Variants in THSD7B observed in about 807,000 individuals in gnomAD.
The protein encoded by THSD7B is thrombospondin type-1 domain-containing protein 7B.
THSD7B carries 138 observed loss-of-function variants against 213.6 expected under a neutral mutation model. The ratio of observed to expected loss-of-function variants is 0.65; its 90% CI spans 0.56 to 0.74. The LOEUF is 0.74. Among genes scored for constraint, THSD7B ranks in the 30% least tolerant of loss-of-function variants. The pLI is 0.00. For missense variants in THSD7B, 1,931 were observed against 1,991.5 expected (o/e 0.97, Z 0.58); for synonymous variants, 742 against 687.0 (o/e 1.08, Z -1.25).
chr2:137,282,290 G>T (rs1683042652), intron 12 of THSD7B, among the ~76,000 whole-genome samples: 1 of 152,148 alleles, frequency 6.6e-6, no homozygotes, highest in Non-Finnish European at 1.5e-5. Flanking sequence ...GTTCATTGTA[G>T]ATTCTGGATA....
At chr2:137,317,211 C>G (rs1050760818) in intron 12 of THSD7B, among the ~76,000 whole-genome samples, 4 of 152,112 alleles carry the variant, frequency 2.6e-5, no homozygotes, top group Middle Eastern at 3.2e-3. Context: ...TACTAATTAT[C>G]TGATCTATTT....
At chr2:137,214,480 C>T (rs899291596) in intron 7 of THSD7B, among the ~76,000 whole-genome samples, 13 of 152,020 alleles carry the variant, frequency 8.6e-5, no homozygotes, top group East Asian at 5.8e-4. Context: ...GTGTGCAGAA[C>T]GTGCAGGTTT....
intron 4 of THSD7B, among the ~76,000 whole-genome samples, chr2:137,100,199 T>C (rs1189772336): frequency 6.6e-6 from 1 of 152,112 alleles, no homozygotes; most frequent in Non-Finnish European, 1.5e-5. Context: ...GGATGGTAGA[T>C]GAAATCTTGG....
intron 2 of THSD7B, among the ~76,000 whole-genome samples, chr2:137,053,588 G>C (rs1687108031): frequency 6.6e-6 from 1 of 150,828 alleles, no homozygotes; most frequent in African/African-American, 2.4e-5. Context: ...AAAAAAAAAA[G>C]AGAATGTCAT....
At chr2:137,320,564 T>A (rs922012063) in intron 12 of THSD7B, among the ~76,000 whole-genome samples, 1 of 152,212 alleles carries the variant, frequency 6.6e-6, no homozygotes. Flanking sequence ...GAATGTGGTA[T>A]GTGGACTAGT....
At chr2:137,582,836 A>G (rs1040572734) in intron 17 of THSD7B, among the ~76,000 whole-genome samples, 3 of 152,154 alleles carry the variant, frequency 2.0e-5, no homozygotes, top group East Asian at 3.8e-4. Context: ...ATGATTTATA[A>G]TCCTTTGGGT....
At chr2:137,006,643 C>A (rs1686119775) in intron 2 of THSD7B, among the ~76,000 whole-genome samples, 1 of 152,074 alleles carries the variant, frequency 6.6e-6, no homozygotes, top group South Asian at 2.1e-4. Context: ...TAGAAATAAG[C>A]AAGATATAGC....
At chr2:137,394,379 T>C (rs1243357796) in intron 12 of THSD7B, among the ~76,000 whole-genome samples, 1 of 136,332 alleles carries the variant, frequency 7.3e-6, no homozygotes, top group Admixed American at 7.3e-5. Context: ...TTTCTACATA[T>C]GGCTAGCCAG....
chr2:137,370,565 T>A (rs1204034655), intron 12 of THSD7B, among the ~76,000 whole-genome samples: 2 of 152,146 alleles, frequency 1.3e-5, no homozygotes, highest in African/African-American at 4.8e-5. Flanking sequence ...GCCTCCTGGG[T>A]TCGGGTGATC....
chr2:137,315,733 G>A (rs1166752175), intron 12 of THSD7B, among the ~76,000 whole-genome samples: 1 of 152,152 alleles, frequency 6.6e-6, no homozygotes, highest in Non-Finnish European at 1.5e-5. Flanking sequence ...GAGGGGAATT[G>A]CAGTAGAGAT....
intron 15 of THSD7B, among the ~76,000 whole-genome samples, chr2:137,481,113 C>T (rs540544676): frequency 1.3e-5 from 2 of 152,296 alleles, no homozygotes; most frequent in East Asian, 1.9e-4. Context: ...AGACACCAGA[C>T]CTACCAGTAC....
chr2:137,459,648 G>A (rs993689228), intron 15 of THSD7B, among the ~76,000 whole-genome samples: 3 of 151,804 alleles, frequency 2.0e-5, no homozygotes, highest in African/African-American at 7.3e-5. Flanking sequence ...TTGGGTGACA[G>A]AGTGAGACTC....
intron 15 of THSD7B, among the ~76,000 whole-genome samples, chr2:137,482,019 T>C (rs976152487): frequency 6.6e-6 from 1 of 151,828 alleles, no homozygotes; most frequent in Non-Finnish European, 1.5e-5. Flanking sequence ...CTACTAAAAA[T>C]ACAAAAAAAT....
At chr2:136,889,468 A>G (rs1683777774) in intron 2 of THSD7B, among the ~76,000 whole-genome samples, 1 of 152,198 alleles carries the variant, frequency 6.6e-6, no homozygotes, top group African/African-American at 2.4e-5. Context: ...TACTACAGTT[A>G]TTCAGAATAG....
chr2:136,894,759 G>C (rs1322773572), intron 2 of THSD7B, among the ~76,000 whole-genome samples: 1 of 152,042 alleles, frequency 6.6e-6, no homozygotes, highest in South Asian at 2.1e-4. Context: ...TTCTAAAGTG[G>C]CCATTAGGTA....
intron 12 of THSD7B, among the ~76,000 whole-genome samples, chr2:137,384,511 G>A (rs1485979353): frequency 1.3e-5 from 2 of 152,128 alleles, no homozygotes; most frequent in Non-Finnish European, 2.9e-5. Flanking sequence ...GAAAGAGACT[G>A]GGGTAGGGAA....
At chr2:137,663,965 C>T (rs1683401128) in intron 26 of THSD7B, among the ~76,000 whole-genome samples, 1 of 152,156 alleles carries the variant, frequency 6.6e-6, no homozygotes, top group African/African-American at 2.4e-5. Flanking sequence ...GATTCTCCTG[C>T]CATAGCCTCC....
chr2:137,558,148 G>T (rs550676368), intron 15 of THSD7B, among the ~76,000 whole-genome samples: 1 of 152,256 alleles, frequency 6.6e-6, no homozygotes, highest in African/African-American at 2.4e-5. Flanking sequence ...GGAGGAGCTG[G>T]TACCATTCCT....
At chr2:137,586,727 C>T in intron 17 of THSD7B, among the ~76,000 whole-genome samples, 1 of 152,180 alleles carries the variant, frequency 6.6e-6, no homozygotes, top group Non-Finnish European at 1.5e-5. Context: ...ATGGGCTTCC[C>T]TTTGTGGGTA....
Sources: gnomAD v4.1 joint callset for allele counts (sites outside exome capture counted in the v4.1 genomes callset) on GRCh38, gnomAD v4.1.1 for gene constraint, MANE v1.5 for transcripts, NCBI Gene and HGNC (gene_info 2026-07-23, HGNC 2026-07-21) for gene names.